XRCC5: variants seen among roughly 807,000 people sequenced by gnomAD.
The protein encoded by XRCC5 is DNA repair protein Ku80.
In XRCC5, 12 loss-of-function variants were observed where a neutral mutation model predicts 95.7. That is an observed-to-expected ratio of 0.13 (90% confidence interval 0.08 to 0.20). The LOEUF is 0.20. Ranked by LOEUF, XRCC5 falls within the 10% of genes least tolerant of loss-of-function variation. The pLI is 1.00. For synonymous variants in XRCC5, 281 were observed against 290.3 expected, an observed-to-expected ratio of 0.97 and a Z score of 0.33; for missense variants, 595 against 873.9, an observed-to-expected ratio of 0.68 and a Z score of 4.02.
chr2:216,135,057 T>C (rs995560819), intron 10 of XRCC5, among the ~76,000 whole-genome samples: 5 of 152,016 alleles, frequency 3.3e-5, no homozygotes, highest in Non-Finnish European at 7.4e-5. Context: ...ATGAAATCTG[T>C]ACAGGATTCT....
At chr2:216,156,833 G>A (rs1688852799) in intron 14 of XRCC5, 2 of 423,158 alleles carry the variant, frequency 4.7e-6, no homozygotes, top group South Asian at 3.6e-5. Context: ...ACAGACACCT[G>A]GCCAGACTGC....
chr2:216,120,741 G>GTCGT (rs1696790489), intron 5 of XRCC5, among the ~76,000 whole-genome samples: 2 of 151,280 alleles, frequency 1.3e-5, no homozygotes, highest in Admixed American at 1.3e-4. Context: ...TTTCTTGGTT[G>GTCGT]TTGTTTGTTT....
At chr2:216,125,472 C>T (rs1181533894) in intron 6 of XRCC5, among the ~76,000 whole-genome samples, 4 of 152,210 alleles carry the variant, frequency 2.6e-5, no homozygotes, top group Admixed American at 2.6e-4. Context: ...GCTAGGATTA[C>T]AGGTGTAAGT....
chr2:216,165,018 A>G (rs1689028378), intron 16 of XRCC5, among the ~76,000 whole-genome samples: 1 of 152,222 alleles, frequency 6.6e-6, no homozygotes, highest in Non-Finnish European at 1.5e-5. Context: ...AGCGGACCCT[A>G]GATAGCATGT....
intron 19 of XRCC5, among the ~76,000 whole-genome samples, chr2:216,200,185 C>T (rs1271905805): frequency 6.6e-6 from 1 of 152,150 alleles, no homozygotes; most frequent in Non-Finnish European, 1.5e-5. Context: ...TTCACGCCTT[C>T]ACCTTATAAT....
intron 6 of XRCC5, among the ~76,000 whole-genome samples, chr2:216,123,470 G>C (rs1324902311): frequency 6.6e-6 from 1 of 151,992 alleles, no homozygotes; most frequent in Non-Finnish European, 1.5e-5. Flanking sequence ...TTCAAATTTT[G>C]GAATAAATGC....
chr2:216,194,184 A>G (rs1051635730), intron 18 of XRCC5, among the ~76,000 whole-genome samples: 25 of 152,378 alleles, frequency 1.6e-4, no homozygotes, highest in African/African-American at 5.8e-4. Flanking sequence ...TAGGTTCTTG[A>G]AAATTGTGAC....
Position 216,116,831 on chromosome 2 carries a change from A to T in XRCC5, c.308A>T (p.Gln103Leu), listed in dbSNP as rs1358477486. The stretch of plus-strand genomic sequence containing the variant: ...GAAAGCAAAATCCAACCAGGTTCTC[A>T]ACAGGCTGACTGTATCCTTTTTCTG... ...DIESKIQPGS[Q>L]QADFLDALIV... Residue 103 changes from glutamine to leucine, a missense_variant, in exon 3 of 21, where the codon CAA (glutamine) becomes CTA (leucine). Around this residue, in one of 2 missense-constraint regions of XRCC5, gnomAD observed 286 missense variants for 491.1 expected, o/e 0.58. Coordinates refer to ENST00000392132, the MANE Select transcript of XRCC5 (RefSeq NM_021141.4). 2.5e-6 allele frequency: 4 copies of T among 1,614,088 alleles called. No individual in the cohort carries two copies. Among genetic ancestry groups the T allele is most frequent in the Non-Finnish European group, 3.4e-6 (4 of 1,179,940 alleles).
rs987168484 is a variant in XRCC5, at chr2:216,126,109, T to C, written c.798+78T>C. ...GTGTATATAAGGAACAGACAATTCA[T>C]GTGTGTGTTACTCGGAACCATAATT... On this transcript the variant is annotated intron_variant, in intron 7 of 20. Coordinates refer to ENST00000392132, the MANE Select transcript of XRCC5 (RefSeq NM_021141.4). 5.3e-5 allele frequency: 61 copies of C among 1,145,812 alleles called. No individual in the cohort carries two copies. In the African/African-American group the frequency reaches 8.6e-4, roughly 16 times the overall value. The allele number at this position is 1,145,812 out of a possible 1,614,324, so 71.0% of individuals were successfully genotyped here.
intron 8 of XRCC5, among the ~76,000 whole-genome samples, chr2:216,128,153 C>T (rs374022368): frequency 2.9e-4 from 44 of 152,176 alleles, no homozygotes; most frequent in African/African-American, 1.0e-3. Context: ...AAAAGTTGTA[C>T]TCCTATGTTA....
intron 5 of XRCC5, among the ~76,000 whole-genome samples, chr2:216,120,587 T>G (rs866714447): frequency 6.6e-5 from 10 of 152,260 alleles, no homozygotes; most frequent in Middle Eastern, 3.4e-3. Flanking sequence ...ATTTTTAATT[T>G]TTTTTTTTAG....
At chr2:216,167,396 T>C (rs192410295) in intron 16 of XRCC5, among the ~76,000 whole-genome samples, 11 of 152,290 alleles carry the variant, frequency 7.2e-5, no homozygotes, top group Non-Finnish European at 2.9e-5. Context: ...TAATATGATA[T>C]TCATCAAAGC....
At chr2:216,141,502 TAAA>T (rs1559245210) in intron 13 of XRCC5, among the ~76,000 whole-genome samples, 183 bp downstream of exon 13, 2 of 145,320 alleles carry the variant, frequency 1.4e-5, no homozygotes, top group African/African-American at 2.5e-5. Flanking sequence ...TCTGAGCTCT[TAAA>T]AAGAAAAATA....
At chr2:216,187,861 T>TCTCTCTCTCTCTCACCC (rs143232624) in intron 16 of XRCC5, among the ~76,000 whole-genome samples, 1 of 116,236 alleles carries the variant, frequency 8.6e-6, no homozygotes, top group African/African-American at 4.2e-5. Flanking sequence ...TCTCTCTCTC[T>TCTCTCTCTCTCTCACCC]CCCCGTCTCC....
chr2:216,116,563 A>AG (rs1696701321), intron 2 of XRCC5, 96 bp from the exon 3 acceptor site: 1 of 1,381,898 alleles, frequency 7.2e-7, no homozygotes, highest in African/African-American at 1.4e-5. Context: ...GACCTGCCAT[A>AG]GGGAGGTCTG....
At chr2:216,140,760 T>C (rs1228108317) in intron 12 of XRCC5, among the ~76,000 whole-genome samples, 2 of 152,268 alleles carry the variant, frequency 1.3e-5, no homozygotes, top group Non-Finnish European at 2.9e-5. Context: ...GTCATTAAAA[T>C]GCTTATGCTT....
chr2:216,114,672 A>G (rs1207416550), intron 2 of XRCC5, among the ~76,000 whole-genome samples: 1 of 152,198 alleles, frequency 6.6e-6, no homozygotes, highest in Non-Finnish European at 1.5e-5. Flanking sequence ...CTGTAAGGTA[A>G]TAAGTGGCCA....
chr2:216,192,803 A>G (rs1438450262), intron 18 of XRCC5, 68 bp downstream of exon 18: 3 of 1,023,496 alleles, frequency 2.9e-6, no homozygotes, highest in Non-Finnish European at 1.4e-6. Context: ...TATTCTAAAT[A>G]TACATATAAA....
At chr2:216,118,032 TCA>T (rs773100836) in intron 4 of XRCC5, among the ~76,000 whole-genome samples, 22 of 152,240 alleles carry the variant, frequency 1.4e-4, no homozygotes, top group Non-Finnish European at 3.2e-4. Context: ...TTGGCTTATT[TCA>T]GTTTACTTCC....
Sources: gnomAD v4.1 joint callset for allele counts (sites outside exome capture counted in the v4.1 genomes callset) on GRCh38, gnomAD v4.1.1 for gene constraint, gnomAD v4.1.1 regional missense constraint, MANE v1.5 for transcripts, NCBI Gene and HGNC (gene_info 2026-07-23, HGNC 2026-07-21) for gene names.